Variants in PRKCQ observed in about 807,000 individuals in gnomAD.
PRKCQ encodes protein kinase C theta type.
Under a neutral mutation model 91.2 loss-of-function variants are expected in PRKCQ, and 41 were observed. The ratio of observed to expected loss-of-function variants is 0.45; its 90% CI spans 0.35 to 0.58. PRKCQ has a LOEUF of 0.58. PRKCQ is among the 20% of genes least tolerant of loss of function. The pLI is 0.00. For missense variants in PRKCQ, 673 were observed against 896.5 expected (o/e 0.75, Z 3.18); for synonymous variants, 307 against 316.9 (o/e 0.97, Z 0.33).
intron 8 of PRKCQ, among the ~76,000 whole-genome samples, chr10:6,490,450 G>C (rs540642452): frequency 2.2e-4 from 33 of 151,814 alleles, no homozygotes; most frequent in African/African-American, 7.2e-4. Flanking sequence ...TGCTCACCAG[G>C]CATGGTGACT....
downstream of PRKCQ, among the ~76,000 whole-genome samples, chr10:6,425,168 C>T (rs1053763868): frequency 6.6e-6 from 1 of 151,932 alleles, no homozygotes; most frequent in African/African-American, 2.4e-5. Context: ...CAAGTCTCCA[C>T]TGGTCAACCC....
At chr10:6,395,781 A>C in the PRKCQ span, among the ~76,000 whole-genome samples, 16 of 152,120 alleles carry the variant, frequency 1.1e-4, no homozygotes, top group African/African-American at 3.4e-4. Context: ...GATCTCTTTC[A>C]CTGTCTCAGT....
Position 6,428,059 on chromosome 10 carries a change from TA to T in PRKCQ, c.*147del. The T allele has an allele frequency of 1.0e-6, 1 of 969,206 alleles. No homozygotes were observed. Among genetic ancestry groups the T allele is most frequent in the Non-Finnish European group, 1.5e-6 (1 of 656,638 alleles). The allele number at this position is 969,206 out of a possible 1,614,324, so 60.0% of individuals were successfully genotyped here. On this transcript the variant is annotated 3_prime_UTR_variant, in exon 18 of 18. Coordinates refer to ENST00000263125, the MANE Select transcript of PRKCQ (RefSeq NM_006257.5). ...AAGTAGACTTGGTTTCTGCTACAGA[TA>T]AAAGTCACATGGGGGCGAACGGGTC...
At chr10:6,501,296 G>C (rs1837897851) in intron 4 of PRKCQ, among the ~76,000 whole-genome samples, 1 of 152,038 alleles carries the variant, frequency 6.6e-6, no homozygotes, top group Admixed American at 6.6e-5. Context: ...AAAAAGAAGA[G>C]ATGATGTTCA....
chr10:6,564,728 GT>G (rs1038425638), intron 1 of PRKCQ, among the ~76,000 whole-genome samples: 51 of 152,262 alleles, frequency 3.3e-4, no homozygotes, highest in African/African-American at 1.2e-3. Flanking sequence ...CAATGGTGCT[GT>G]TTTTTTAAGC....
At chr10:6,495,665 T>C (rs1299747426) in intron 7 of PRKCQ, among the ~76,000 whole-genome samples, 1 of 152,194 alleles carries the variant, frequency 6.6e-6, no homozygotes, top group Non-Finnish European at 1.5e-5. Context: ...ATGCTGTCAT[T>C]GGAAGAATGC....
chr10:6,475,287 C>T (rs1407823777), intron 12 of PRKCQ, among the ~76,000 whole-genome samples: 3 of 152,174 alleles, frequency 2.0e-5, no homozygotes, highest in African/African-American at 7.2e-5. Flanking sequence ...AACTCTTACT[C>T]TCTGTCCTGG....
At chr10:6,541,908 AT>A (rs886556915) in intron 1 of PRKCQ, among the ~76,000 whole-genome samples, 2 of 151,884 alleles carry the variant, frequency 1.3e-5, no homozygotes, top group African/African-American at 2.4e-5. Flanking sequence ...ATTTCAAATG[AT>A]TTTTTTTCTT....
chr10:6,428,462 A>C, intron 17 of PRKCQ, 100 bp from the exon 18 acceptor site: 2 of 1,370,362 alleles, frequency 1.5e-6, no homozygotes, highest in Non-Finnish European at 2.0e-6. Flanking sequence ...GCGTATGGCA[A>C]AGTTGGTGTT....
the PRKCQ span, among the ~76,000 whole-genome samples, chr10:6,415,615 C>T: frequency 6.6e-6 from 1 of 151,560 alleles, no homozygotes; most frequent in Non-Finnish European, 1.5e-5. Context: ...CTGGTCACTG[C>T]CATTGTAGAA....
chr10:6,502,969 T>G (rs1318316191), intron 4 of PRKCQ, among the ~76,000 whole-genome samples: 3 of 152,214 alleles, frequency 2.0e-5, no homozygotes, highest in African/African-American at 7.2e-5. Flanking sequence ...ACATAGAGTC[T>G]GAACCATAGG....
At chr10:6,406,316 CT>C in the PRKCQ span, among the ~76,000 whole-genome samples, 1,057 of 143,100 alleles carry the variant, frequency 7.4e-3, 8 homozygotes, top group African/African-American at 0.017. Flanking sequence ...AATCAAACTA[CT>C]TTTTTTTTTT....
intron 8 of PRKCQ, 23 bp downstream of exon 8, chr10:6,491,660 T>C (rs746123831): frequency 6.2e-7 from 1 of 1,613,562 alleles, no homozygotes; most frequent in South Asian, 1.1e-5. Context: ...CGTCGGGCCA[T>C]GCTCATCCCC....
chr10:6,574,563 T>G (rs1337822839), intron 1 of PRKCQ, among the ~76,000 whole-genome samples: 1 of 152,156 alleles, frequency 6.6e-6, no homozygotes, highest in East Asian at 1.9e-4. Flanking sequence ...CTCCTCCAGC[T>G]CCACCCAGCA....
intron 1 of PRKCQ, among the ~76,000 whole-genome samples, chr10:6,529,957 T>A (rs1330957818): frequency 6.6e-6 from 1 of 152,218 alleles, no homozygotes; most frequent in Non-Finnish European, 1.5e-5. Flanking sequence ...AGGAACTTGT[T>A]TCATGGGTCA....
the PRKCQ span, among the ~76,000 whole-genome samples, chr10:6,416,642 T>C: frequency 0.065 from 9,889 of 152,338 alleles, 428 homozygotes; most frequent in Middle Eastern, 0.17. Flanking sequence ...GTTTCATATC[T>C]TTGCAGTTGT....
intron 4 of PRKCQ, among the ~76,000 whole-genome samples, chr10:6,499,501 G>A (rs1473555848): frequency 1.3e-5 from 2 of 152,050 alleles, no homozygotes; most frequent in Non-Finnish European, 2.9e-5. Flanking sequence ...AGGTGAGAGA[G>A]AATAACACAA....
chr10:6,401,517 T>A, the PRKCQ span, among the ~76,000 whole-genome samples: 1 of 152,134 alleles, frequency 6.6e-6, no homozygotes, highest in East Asian at 1.9e-4. Flanking sequence ...GCTGGTTTTT[T>A]TTTTTTAAAT....
chr10:6,478,911 T>C, intron 12 of PRKCQ, 81 bp downstream of exon 12: 2 of 1,470,362 alleles, frequency 1.4e-6, no homozygotes, highest in Non-Finnish European at 1.8e-6. Context: ...ATGACTCGTG[T>C]CTCCTAATGA....
Sources: gnomAD v4.1 joint callset for allele counts (sites outside exome capture counted in the v4.1 genomes callset) on GRCh38, gnomAD v4.1.1 for gene constraint, MANE v1.5 for transcripts, NCBI Gene and HGNC (gene_info 2026-07-23, HGNC 2026-07-21) for gene names.